DLG2: variants seen among roughly 807,000 people sequenced by gnomAD.
The protein encoded by DLG2 is discs large MAGUK scaffold protein 2.
DLG2 carries 45 observed loss-of-function variants against 132.5 expected under a neutral mutation model. That is an observed-to-expected ratio of 0.34 (90% CI 0.27 to 0.44). The LOEUF is 0.44. Among genes scored for constraint, DLG2 ranks in the 20% least tolerant of loss-of-function variants. The probability of loss-of-function intolerance (pLI) is 1.00; values close to 1 mark genes in which losing one functional copy is unlikely to be tolerated. For synonymous variants in DLG2, 424 were observed against 419.6 expected (o/e 1.01, Z -0.13); for missense variants, 1,045 against 1,196.9 (o/e 0.87, Z 1.87).
intron 3 of DLG2, among the ~76,000 whole-genome samples, chr11:85,455,034 A>T (rs922981824): frequency 6.6e-6 from 1 of 152,108 alleles, no homozygotes; most frequent in Non-Finnish European, 1.5e-5. Context: ...TAAATTTTAG[A>T]ATAGTTTCTT....
At chr11:85,133,972 C>G (rs2075945694) in intron 5 of DLG2, among the ~76,000 whole-genome samples, 1 of 151,388 alleles carries the variant, frequency 6.6e-6, no homozygotes, top group East Asian at 1.9e-4. Context: ...CAGACTGAAA[C>G]AGAAAAACAG....
At chr11:84,664,795 T>A (rs147371921) in intron 6 of DLG2, among the ~76,000 whole-genome samples, 2,084 of 152,228 alleles carry the variant, frequency 0.014, 56 homozygotes, top group African/African-American at 0.048. Flanking sequence ...TACAAAATAA[T>A]ATGAAGATGC....
At chr11:83,968,912 G>A (rs2090770422) in intron 12 of DLG2, among the ~76,000 whole-genome samples, 1 of 152,202 alleles carries the variant, frequency 6.6e-6, no homozygotes, top group African/African-American at 2.4e-5. Flanking sequence ...GGAGAATGTA[G>A]AGGAACTTCA....
At chr11:83,956,184 G>C (rs565765432) in intron 14 of DLG2, among the ~76,000 whole-genome samples, 2 of 152,108 alleles carry the variant, frequency 1.3e-5, no homozygotes, top group South Asian at 2.1e-4. Flanking sequence ...CAAATTATCC[G>C]CCTTCACTAT....
chr11:83,484,017 G>C (rs2093336842), intron 22 of DLG2, 112 bp downstream of exon 22: 2 of 821,756 alleles, frequency 2.4e-6, no homozygotes, highest in Admixed American at 2.0e-5. Flanking sequence ...CTGCCTGCCT[G>C]CTGTGTTGTT....
At chr11:84,235,999 A>T (rs943757517) in intron 8 of DLG2, among the ~76,000 whole-genome samples, 4 of 151,812 alleles carry the variant, frequency 2.6e-5, no homozygotes, top group African/African-American at 9.7e-5. Flanking sequence ...CATTGTTCAG[A>T]TCATTTTCAT....
intron 6 of DLG2, among the ~76,000 whole-genome samples, chr11:84,641,097 T>C (rs534737661): frequency 6.6e-6 from 1 of 152,298 alleles, no homozygotes; most frequent in East Asian, 1.9e-4. Context: ...ACACAGTCCA[T>C]GGTCTCTTTT....
intron 13 of DLG2, 105 bp from the exon 14 acceptor site, chr11:83,963,128 A>G (rs1275674367): frequency 1.5e-6 from 2 of 1,298,984 alleles, no homozygotes; most frequent in African/African-American, 1.5e-5. Flanking sequence ...GCTTTGCTGC[A>G]TGCCAAGGTT....
At chr11:84,185,607 T>C (rs955447821) in intron 8 of DLG2, among the ~76,000 whole-genome samples, 2 of 152,146 alleles carry the variant, frequency 1.3e-5, no homozygotes, top group East Asian at 1.9e-4. Flanking sequence ...TCCAACACTA[T>C]GTTGAATAGG....
rs140697756 is a variant in DLG2 at position 84,427,609 on chromosome 11, G to C, written c.519+106961C>G. 6.5e-3 allele frequency among the ~76,000 whole-genome samples: 985 copies of C among 152,214 alleles called. 5 individuals carry two copies. The highest frequency in any genetic ancestry group is 9.6e-3 in the Non-Finnish European group (655 of 68,006). On this transcript the variant is annotated intron_variant, in intron 7 of 27. Coordinates refer to ENST00000376104, the MANE Select transcript of DLG2 (RefSeq NM_001142699.3). ...CCTATGCCAGGATAATGTCCAAATAGGAAAGGAACAAGAAAAAGACTTATT... is the reference window on the plus strand; with the variant it reads ...CCTATGCCAGGATAATGTCCAAATACGAAAGGAACAAGAAAAAGACTTATT...
At chr11:85,175,117 G>A (rs1045436436) in intron 4 of DLG2, among the ~76,000 whole-genome samples, 3 of 152,110 alleles carry the variant, frequency 2.0e-5, no homozygotes, top group African/African-American at 7.2e-5. Context: ...CACATTTTAT[G>A]AGGCTAGCAT....
At chr11:85,546,981 T>C (rs758039046) in intron 3 of DLG2, among the ~76,000 whole-genome samples, 5 of 152,192 alleles carry the variant, frequency 3.3e-5, no homozygotes, top group African/African-American at 4.8e-5. Context: ...TGTCTTTTAA[T>C]TGGGGCATTT....
At chr11:84,033,041 G>A (rs923257786) in intron 11 of DLG2, among the ~76,000 whole-genome samples, 2 of 152,144 alleles carry the variant, frequency 1.3e-5, no homozygotes, top group Non-Finnish European at 2.9e-5. Context: ...GTCACCAAGA[G>A]CTCTTATGCA....
intron 6 of DLG2, among the ~76,000 whole-genome samples, chr11:84,662,998 C>T (rs2099696188): frequency 2.6e-5 from 4 of 152,028 alleles, no homozygotes; most frequent in South Asian, 2.1e-4. Flanking sequence ...GGTAACATCA[C>T]CCTCTTCCAA....
intron 17 of DLG2, among the ~76,000 whole-genome samples, chr11:83,809,706 C>G (rs2046787765): frequency 6.6e-6 from 1 of 152,092 alleles, no homozygotes; most frequent in Admixed American, 6.6e-5. Flanking sequence ...CCATTTCTTA[C>G]CCATCCTTTG....
At chr11:83,650,564 G>A (rs898090682) in intron 18 of DLG2, among the ~76,000 whole-genome samples, 4 of 152,142 alleles carry the variant, frequency 2.6e-5, no homozygotes, top group African/African-American at 9.7e-5. Context: ...GCTGTAATAA[G>A]CCACTAAATT....
intron 6 of DLG2, among the ~76,000 whole-genome samples, chr11:85,023,328 A>G (rs1372188111): frequency 6.6e-6 from 1 of 152,094 alleles, no homozygotes; most frequent in African/African-American, 2.4e-5. Context: ...ATGGGAAAGT[A>G]AAATGTAAAA....
At chr11:85,491,330 A>T (rs1468147777) in intron 3 of DLG2, among the ~76,000 whole-genome samples, 1 of 152,124 alleles carries the variant, frequency 6.6e-6, no homozygotes, top group Non-Finnish European at 1.5e-5. Context: ...TAGGAAAAAG[A>T]TGAAAGCATT....
chr11:83,699,964 C>CACACAA (rs1332813357), intron 18 of DLG2, among the ~76,000 whole-genome samples: 167 of 150,632 alleles, frequency 1.1e-3, no homozygotes, highest in African/African-American at 3.9e-3. Flanking sequence ...CACACACACA[C>CACACAA]AAATACAGTT....
Sources: gnomAD v4.1 joint callset for allele counts (sites outside exome capture counted in the v4.1 genomes callset) on GRCh38, gnomAD v4.1.1 for gene constraint, MANE v1.5 for transcripts, NCBI Gene and HGNC (gene_info 2026-07-23, HGNC 2026-07-21) for gene names.